The following RAB7A variants were observed in gnomAD, a reference collection of about 807,000 sequenced individuals.
RAB7A encodes ras-related protein Rab-7a.
Under a neutral mutation model 24.5 loss-of-function variants are expected in RAB7A, and 2 were observed. The ratio of observed to expected loss-of-function variants is 0.08; its 90% CI spans 0.03 to 0.26. The LOEUF (loss-of-function observed/expected upper bound fraction) is 0.26, where lower values mean the gene tolerates loss of function less well. Among genes scored for constraint, RAB7A ranks in the 10% least tolerant of loss-of-function variants. The pLI, the probability that RAB7A is intolerant of heterozygous loss-of-function variation, is 1.00. For synonymous variants in RAB7A, 100 were observed against 95.9 expected (o/e 1.04, Z -0.25); for missense variants, 118 against 255.7 (o/e 0.46, Z 3.67).
chr3:128,781,811 G>T (rs1233038628), intron 1 of RAB7A, among the ~76,000 whole-genome samples: 1 of 152,066 alleles, frequency 6.6e-6, no homozygotes, highest in East Asian at 1.9e-4. Flanking sequence ...CCAGGAGTTC[G>T]AGACCAACCT....
intron 1 of RAB7A, among the ~76,000 whole-genome samples, chr3:128,771,780 T>C (rs1291877574): frequency 6.6e-6 from 1 of 152,244 alleles, no homozygotes; most frequent in Non-Finnish European, 1.5e-5. Flanking sequence ...CGTTCTGTTA[T>C]ACCAGAGTTG....
At chr3:128,786,636 A>G (rs1933347935) in intron 1 of RAB7A, among the ~76,000 whole-genome samples, 1 of 152,166 alleles carries the variant, frequency 6.6e-6, no homozygotes, top group Non-Finnish European at 1.5e-5. Context: ...GCTACTTCCG[A>G]ACTCTGTATC....
At chr3:128,729,303 G>T (rs1284879099) in intron 1 of RAB7A, among the ~76,000 whole-genome samples, 21 of 152,132 alleles carry the variant, frequency 1.4e-4, no homozygotes, top group Admixed American at 1.4e-3. Flanking sequence ...GGGCACGGTG[G>T]CTCACGCCTG....
intron 1 of RAB7A, among the ~76,000 whole-genome samples, chr3:128,761,214 C>G (rs2070773688): frequency 6.6e-6 from 1 of 152,198 alleles, no homozygotes; most frequent in Non-Finnish European, 1.5e-5. Flanking sequence ...TAGGTATCCT[C>G]TTTGGGAAGC....
At chr3:128,742,227 C>A (rs1046293472) in intron 1 of RAB7A, among the ~76,000 whole-genome samples, 1 of 150,794 alleles carries the variant, frequency 6.6e-6, no homozygotes, top group Non-Finnish European at 1.5e-5. Flanking sequence ...TTATTCCCCC[C>A]GGTGGGTTCG....
intron 1 of RAB7A, among the ~76,000 whole-genome samples, chr3:128,789,647 AAAT>A (rs765223690): frequency 6.6e-6 from 1 of 152,134 alleles, no homozygotes; most frequent in Non-Finnish European, 1.5e-5. Flanking sequence ...GGCTTTTAAA[AAAT>A]AATTTCAGTC....
At chr3:128,727,624 G>A (rs553521944) in intron 1 of RAB7A, among the ~76,000 whole-genome samples, 4 of 152,206 alleles carry the variant, frequency 2.6e-5, no homozygotes, top group Non-Finnish European at 5.9e-5. Context: ...TTGCAGGTAG[G>A]CCTGGCAAAC....
At chr3:128,773,932 C>T (rs1227880661) in intron 1 of RAB7A, among the ~76,000 whole-genome samples, 2 of 151,738 alleles carry the variant, frequency 1.3e-5, no homozygotes, top group African/African-American at 2.4e-5. Context: ...TACCCAGGGA[C>T]ACAAACACTG....
intron 1 of RAB7A, among the ~76,000 whole-genome samples, chr3:128,743,270 C>T (rs1031328669): frequency 6.6e-6 from 1 of 152,234 alleles, no homozygotes; most frequent in Non-Finnish European, 1.5e-5. Context: ...TCCGCGAGTG[C>T]CGCGCGCAGC....
In RAB7A at chr3:128,813,531, C is replaced by T; in HGVS notation, c.*109C>T. 9.5e-7 allele frequency: 1 copy of T among 1,048,252 alleles called. No homozygotes were observed. Among genetic ancestry groups the T allele is most frequent in the Non-Finnish European group, 1.5e-6 (1 of 682,908 alleles). 64.9% of individuals were successfully genotyped at this position (1,048,252 alleles called of 1,614,324 possible). A position where few individuals can be genotyped will look rare whatever the true frequency, so the allele number is the denominator to read the frequency against. On this transcript the variant is annotated 3_prime_UTR_variant, in exon 6 of 6. Transcript: ENST00000265062. ...AAACAAAACATACATTGATCTCTCA[C>T]ATCCAGCTGCCAAAAGAAAACCCCA...
At chr3:128,792,972 T>C (rs1473697185) in intron 1 of RAB7A, among the ~76,000 whole-genome samples, 16 of 152,010 alleles carry the variant, frequency 1.1e-4, no homozygotes, top group African/African-American at 3.6e-4. Flanking sequence ...TGCCTCAGCC[T>C]CCTGAGTAGC....
At chr3:128,751,148 G>C (rs2107591332) in intron 1 of RAB7A, among the ~76,000 whole-genome samples, 1 of 152,324 alleles carries the variant, frequency 6.6e-6, no homozygotes, top group South Asian at 2.1e-4. Flanking sequence ...CCTCTGCTAG[G>C]GCATTGTGGA....
At chr3:128,777,138 G>A (rs1484093975) in intron 1 of RAB7A, among the ~76,000 whole-genome samples, 6 of 151,976 alleles carry the variant, frequency 3.9e-5, no homozygotes, top group Non-Finnish European at 8.8e-5. Context: ...TATATGTTTT[G>A]CAAATATATT....
At chr3:128,749,775 G>T (rs929182151) in intron 1 of RAB7A, among the ~76,000 whole-genome samples, 1 of 152,182 alleles carries the variant, frequency 6.6e-6, no homozygotes, top group African/African-American at 2.4e-5. Context: ...GCCTTCTGCC[G>T]TGATTGTGAG....
chr3:128,806,734 A>C (rs889178286), intron 4 of RAB7A, 144 bp downstream of exon 4: 3 of 876,472 alleles, frequency 3.4e-6, no homozygotes, highest in Non-Finnish European at 3.6e-6. Flanking sequence ...CTTCAGGCCA[A>C]CTGCCTTTAA....
At chr3:128,796,322 C>T (rs1224420048) in intron 2 of RAB7A, among the ~76,000 whole-genome samples, 2 of 151,926 alleles carry the variant, frequency 1.3e-5, no homozygotes, top group African/African-American at 2.4e-5. Flanking sequence ...AGCCAGGTGC[C>T]GTACCTGTAG....
chr3:128,813,223 T>C (rs774096276), intron 5 of RAB7A, 104 bp from the exon 6 acceptor site: 7 of 1,084,108 alleles, frequency 6.5e-6, no homozygotes, highest in Non-Finnish European at 1.0e-5. Flanking sequence ...CCGCCCACTC[T>C]GCCCAAGCAG....
chr3:128,754,647 C>G (rs1193225595), intron 1 of RAB7A, among the ~76,000 whole-genome samples: 2 of 152,124 alleles, frequency 1.3e-5, no homozygotes, highest in Non-Finnish European at 2.9e-5. Flanking sequence ...CATCCAGCTT[C>G]TAGCCATAAG....
chr3:128,752,020 G>A (rs941798494), intron 1 of RAB7A, among the ~76,000 whole-genome samples: 1 of 152,186 alleles, frequency 6.6e-6, no homozygotes, highest in African/African-American at 2.4e-5. Context: ...TGATTGTGAG[G>A]CTTCCCCAGC....
Sources: allele counts gnomAD v4.1 joint callset (sites outside exome capture counted in the v4.1 genomes callset), GRCh38; gene constraint gnomAD v4.1.1; transcripts MANE v1.5; gene names NCBI Gene and HGNC (gene_info 2026-07-23, HGNC 2026-07-21).